VWA8: variants seen among roughly 807,000 people sequenced by gnomAD.
VWA8 encodes the protein von Willebrand factor A domain containing 8.
VWA8 carries 221 observed loss-of-function variants against 241.5 expected under a neutral mutation model. That is an observed-to-expected ratio of 0.91 (90% confidence interval 0.82 to 1.02). VWA8 has a LOEUF of 1.02. VWA8 is among the 50% of genes least tolerant of loss of function. VWA8 has a pLI of 0.00. For missense variants in VWA8, 2,322 were observed against 2,328.7 expected, an observed-to-expected ratio of 1.00 and a Z score of 0.06; for synonymous variants, 852 against 827.1, an observed-to-expected ratio of 1.03 and a Z score of -0.52.
chr13:41,959,506 A>AAAAC (rs1555249207), intron 1 of VWA8, among the ~76,000 whole-genome samples: 8 of 150,950 alleles, frequency 5.3e-5, no homozygotes, highest in Non-Finnish European at 1.0e-4. Context: ...AAAAAAAAAA[A>AAAAC]AAAACAAAAA....
chr13:41,798,600 A>T (rs1463631779), intron 17 of VWA8, among the ~76,000 whole-genome samples: 1 of 152,122 alleles, frequency 6.6e-6, no homozygotes, highest in Admixed American at 6.5e-5. Context: ...ATCACAATGT[A>T]TGTAGGTGTT....
chr13:41,918,237 A>C (rs901606761), intron 2 of VWA8, among the ~76,000 whole-genome samples: 4 of 152,224 alleles, frequency 2.6e-5, no homozygotes, highest in Non-Finnish European at 5.9e-5. Flanking sequence ...ATATAAAGCC[A>C]ATCATTTATA....
chr13:41,871,289 A>G (rs1183678544), intron 9 of VWA8, among the ~76,000 whole-genome samples: 3 of 151,960 alleles, frequency 2.0e-5, no homozygotes, highest in African/African-American at 7.3e-5. Context: ...CAGTATTAAC[A>G]TTTTCTTTTT....
At chr13:41,783,748 A>G in intron 19 of VWA8, 47 bp downstream of exon 19, 1 of 1,362,244 alleles carries the variant, frequency 7.3e-7, no homozygotes, top group African/African-American at 1.4e-5. Context: ...GGAGTGTACT[A>G]CCACAATTTA....
rs541106987 is a variant in VWA8 at position 41,950,559 on chromosome 13, G to A, written c.164-546C>T. On this transcript the variant is annotated intron_variant, in intron 1 of 44. Transcript: ENST00000379310. The stretch of plus-strand genomic sequence containing the variant: ...AGCTTTTTGTATTTTTAGTAGAGAC[G>A]GGGTTTCACCATGTTAGCCAGGATG... Among the ~76,000 whole-genome samples the A allele has an allele frequency of 1.7e-3, 258 of 151,558 alleles. 2 individuals are homozygous for A. Among genetic ancestry groups the A allele is most frequent in the African/African-American group, 5.7e-3 (234 of 41,310 alleles).
chr13:41,736,844 C>CTTTTT (rs5803100), intron 21 of VWA8, among the ~76,000 whole-genome samples: 77 of 128,454 alleles, frequency 6.0e-4, no homozygotes, highest in Admixed American at 8.1e-4. Flanking sequence ...TTTTTCTTTT[C>CTTTTT]TTTTTTTTTT....
chr13:41,632,301 T>A (rs147074949), intron 37 of VWA8, among the ~76,000 whole-genome samples: 2 of 152,304 alleles, frequency 1.3e-5, no homozygotes, highest in East Asian at 3.9e-4. Flanking sequence ...TTGGCATTTT[T>A]AAAAGCTATT....
In VWA8 at chr13:41,777,456, C is replaced by G. The variant is rs545358981; in HGVS notation, c.2349+529G>C. 2.0e-5 allele frequency among the ~76,000 whole-genome samples: 3 copies of G among 152,134 alleles called. No homozygotes were observed. In the East Asian group the frequency reaches 5.8e-4, roughly 29 times the overall value. On this transcript the variant is annotated intron_variant, in intron 20 of 44. Coordinates refer to ENST00000379310, the MANE Select transcript of VWA8 (RefSeq NM_015058.2). ...AACTGCAGAGTGCCTCAAGCCAACA[C>G]AGTGAGAGAAAGAAGGGGCCATGGC...
chr13:41,819,134 TA>T, intron 15 of VWA8, 83 bp downstream of exon 15: 1 of 1,399,860 alleles, frequency 7.1e-7, no homozygotes, highest in Non-Finnish European at 9.6e-7. Flanking sequence ...TAAAAATGTC[TA>T]ACTCTACTTT....
intron 37 of VWA8, among the ~76,000 whole-genome samples, chr13:41,639,513 G>A (rs939678520): frequency 6.6e-6 from 1 of 152,174 alleles, no homozygotes; most frequent in African/African-American, 2.4e-5. Flanking sequence ...CTGCTAACCT[G>A]TAGGCACCTT....
chr13:41,813,056 T>C (rs1175145461), intron 16 of VWA8, among the ~76,000 whole-genome samples: 1 of 152,120 alleles, frequency 6.6e-6, no homozygotes, highest in African/African-American at 2.4e-5. Context: ...CCAGCTTTAC[T>C]AGAAGGTCCT....
chr13:41,605,027 T>A, intron 40 of VWA8, 141 bp downstream of exon 40: 1 of 694,196 alleles, frequency 1.4e-6, no homozygotes, highest in Non-Finnish European at 2.4e-6. Context: ...CATGGGATAG[T>A]CCAGTTTTAT....
chr13:41,835,868 A>T (rs1262546319), intron 12 of VWA8, among the ~76,000 whole-genome samples: 6 of 152,190 alleles, frequency 3.9e-5, no homozygotes, highest in Admixed American at 3.9e-4. Context: ...TTTGCCATAG[A>T]GTTACATCAC....
At chr13:41,885,176 C>A (rs1262796611) in intron 8 of VWA8, among the ~76,000 whole-genome samples, 1 of 152,194 alleles carries the variant, frequency 6.6e-6, no homozygotes, top group African/African-American at 2.4e-5. Context: ...CAAAACATTT[C>A]ACAATAGCGG....
At chr13:41,905,996 T>G (rs377601277) in intron 4 of VWA8, among the ~76,000 whole-genome samples, 18 of 152,200 alleles carry the variant, frequency 1.2e-4, no homozygotes, top group African/African-American at 4.1e-4. Flanking sequence ...CTTTAAAATT[T>G]GTTTATGTGC....
rs1223846087 is a variant in VWA8, at chr13:41,758,417, T to C, written c.2426+2711A>G. Among the ~76,000 whole-genome samples the C allele has an allele frequency of 9.5e-4, 64 of 67,606 alleles. 1 individual carries two copies. The highest frequency in any genetic ancestry group is 2.4e-3 in the African/African-American group (50 of 20,554). 44.4% of individuals were successfully genotyped at this position (67,606 alleles called of 152,430 possible). ...ACGCTAGTATATATATATATATATATATATATATATATACGCTAGTATATA... is the reference window on the plus strand; with the variant it reads ...ACGCTAGTATATATATATATATATACATATATATATATACGCTAGTATATA... On this transcript the variant is annotated intron_variant, in intron 21 of 44. Coordinates refer to ENST00000379310, the MANE Select transcript of VWA8 (RefSeq NM_015058.2).
At chr13:41,862,429 C>G (rs1213915651) in intron 12 of VWA8, among the ~76,000 whole-genome samples, 1 of 152,076 alleles carries the variant, frequency 6.6e-6, no homozygotes, top group African/African-American at 2.4e-5. Context: ...TGCAACAAAA[C>G]CAAAAATTGA....
chr13:41,596,311 G>C (rs2044487784), intron 40 of VWA8, among the ~76,000 whole-genome samples: 1 of 152,168 alleles, frequency 6.6e-6, no homozygotes, highest in Non-Finnish European at 1.5e-5. Flanking sequence ...CTTAAAACAG[G>C]AAGAGGTGTC....
chr13:41,849,921 T>C (rs556992212), intron 12 of VWA8, among the ~76,000 whole-genome samples: 1 of 151,464 alleles, frequency 6.6e-6, no homozygotes, highest in East Asian at 1.9e-4. Context: ...AAAACAGAAG[T>C]GCTGCCTAAT....
Sources: allele counts gnomAD v4.1 joint callset (sites outside exome capture counted in the v4.1 genomes callset), GRCh38; gene constraint gnomAD v4.1.1; transcripts MANE v1.5; gene names NCBI Gene and HGNC (gene_info 2026-07-23, HGNC 2026-07-21).